Variants in CAND1 observed in about 807,000 individuals in gnomAD.
The protein encoded by CAND1 is cullin associated and neddylation dissociated 1, also known as cullin-associated NEDD8-dissociated protein 1.
CAND1 carries 7 observed loss-of-function variants against 108.5 expected under a neutral mutation model. That is an observed-to-expected ratio of 0.06 (90% CI 0.04 to 0.12). The LOEUF is 0.12. Among genes scored for constraint, CAND1 ranks in the 10% least tolerant of loss-of-function variants. CAND1 has a pLI of 1.00. For synonymous variants in CAND1, 534 were observed against 512.0 expected, an observed-to-expected ratio of 1.04 and a Z score of -0.58; for missense variants, 941 against 1,448.7, an observed-to-expected ratio of 0.65 and a Z score of 5.69.
Position 67,301,625 on chromosome 12 carries a change from A to G in CAND1, c.1001-698A>G, listed in dbSNP as rs567880439. Among the ~76,000 whole-genome samples the G allele has an allele frequency of 2.6e-5, 4 of 152,212 alleles. No individual in the cohort carries two copies. The East Asian group carries it at 5.8e-4, about 22-fold the overall frequency. On this transcript the variant is annotated intron_variant, in intron 7 of 14. Coordinates refer to ENST00000545606, the MANE Select transcript of CAND1 (RefSeq NM_018448.5). ...AATGTTTAAGGTTTAGCATTAGGGGAAAAAATGGTCCTCTGTTAAGTGTGC... is the reference window on the plus strand; with the variant it reads ...AATGTTTAAGGTTTAGCATTAGGGGGAAAAATGGTCCTCTGTTAAGTGTGC...
In CAND1 at chr12:67,310,088, G is replaced by GT; in HGVS notation, c.3195+21dup. 3 of 1,609,564 alleles carry GT rather than the reference G, an allele frequency of 1.9e-6. No homozygotes were observed. The highest frequency in any genetic ancestry group is 8.5e-7 in the Non-Finnish European group (1 of 1,177,504). On this transcript the variant is annotated intron_variant, in intron 12 of 14. Transcript: ENST00000545606. ...TAAGAGAGGTAAGTTAGATCACACTGTTTATTTGAGCTTGTCTTTGACTTA... is the reference window on the plus strand; with the variant it reads ...TAAGAGAGGTAAGTTAGATCACACTGTTTTATTTGAGCTTGTCTTTGACTTA...
At chr12:67,283,735 A>T (rs1295735327) in intron 2 of CAND1, among the ~76,000 whole-genome samples, 11 of 152,210 alleles carry the variant, frequency 7.2e-5, no homozygotes. Flanking sequence ...ACCTTTTAAA[A>T]AAATAAGTCT....
chr12:67,302,641 A>T (rs1378489828), intron 8 of CAND1, 26 bp downstream of exon 8: 3 of 1,582,186 alleles, frequency 1.9e-6, no homozygotes, highest in Admixed American at 3.5e-5. Flanking sequence ...AAGTTTAGAA[A>T]ATCATGATAG....
At position 67,298,397 on chromosome 12, in the gene CAND1, G is replaced by A. The variant is rs565335990; in HGVS notation, c.854+544G>A. Among the ~76,000 whole-genome samples the A allele has an allele frequency of 9.9e-5, 15 of 152,238 alleles. No homozygotes were observed. The East Asian group carries it at 2.9e-3, about 29-fold the overall frequency. On this transcript the variant is annotated intron_variant, in intron 6 of 14. Coordinates refer to ENST00000545606, the MANE Select transcript of CAND1 (RefSeq NM_018448.5). ...CTTGAGACCTTACTGGTTGTTTTCTGCATTTATCCCTTGACACTCCTGGTT... is the reference window on the plus strand; with the variant it reads ...CTTGAGACCTTACTGGTTGTTTTCTACATTTATCCCTTGACACTCCTGGTT...
chr12:67,271,322 C>A (rs2044518784), intron 1 of CAND1, among the ~76,000 whole-genome samples: 1 of 152,120 alleles, frequency 6.6e-6, no homozygotes, highest in Non-Finnish European at 1.5e-5. Context: ...GCTTCCAATT[C>A]AAGTAATGGA....
intron 11 of CAND1, among the ~76,000 whole-genome samples, chr12:67,308,419 T>C (rs1160174285): frequency 2.0e-5 from 3 of 152,108 alleles, no homozygotes; most frequent in Non-Finnish European, 4.4e-5. Flanking sequence ...TGCTTTGATA[T>C]GTTTATTGAG....
intron 4 of CAND1, among the ~76,000 whole-genome samples, chr12:67,296,774 A>G (rs532424437): frequency 3.6e-4 from 54 of 151,732 alleles, no homozygotes; most frequent in Non-Finnish European, 5.6e-4. Flanking sequence ...GAAAGTGACA[A>G]GATGATTGTG....
In CAND1 at chr12:67,306,237, C is replaced by T; in HGVS notation, c.2569C>T (p.Leu857=). 1 of 1,614,072 alleles carries T rather than the reference C, an allele frequency of 6.2e-7. No homozygotes were observed. Among genetic ancestry groups the T allele is most frequent in the Non-Finnish European group, 8.5e-7 (1 of 1,179,976 alleles). The change falls in exon 10 of 15, where the codon CTA becomes TTA. Residue 857 remains leucine (L), a synonymous_variant. Transcript: ENST00000545606. ...TATTGACTTAAGTGGACAGTTGGAA[C>T]TAAAATCTGTAATACTAGAAGCTTT... The part of the protein sequence containing the change: ...HHIDLSGQLE[L]KSVILEAFSS...
intron 2 of CAND1, among the ~76,000 whole-genome samples, chr12:67,291,586 A>G (rs1417243885): frequency 6.6e-6 from 1 of 152,202 alleles, no homozygotes; most frequent in Non-Finnish European, 1.5e-5. Context: ...ACATGAAATT[A>G]ATTTATGTTT....
intron 2 of CAND1, among the ~76,000 whole-genome samples, chr12:67,285,539 C>G (rs1379421880): frequency 6.6e-6 from 1 of 151,958 alleles, no homozygotes; most frequent in Non-Finnish European, 1.5e-5. Context: ...TATTATGTCT[C>G]TATAATCAAA....
chr12:67,281,985 A>G lies in CAND1; in HGVS notation c.144A>G (p.Lys48=), dbSNP rs1375033872. The G allele has an allele frequency of 5.6e-6, 9 of 1,611,416 alleles. No homozygotes were observed. The highest frequency in any genetic ancestry group is 7.6e-6 in the Non-Finnish European group (9 of 1,178,274). Residue 48 remains lysine (K), a synonymous_variant, in exon 2 of 15, where the codon AAA becomes AAG. Coordinates refer to ENST00000545606, the MANE Select transcript of CAND1 (RefSeq NM_018448.5). ...SIKLDDDSER[K]VVKMILKLLE... Reference sequence around the variant, plus strand: ...AGTTGGATGATGATAGTGAAAGGAAAGTAGTGAAAATGATTTTGAAGTTAT... The same window carrying G: ...AGTTGGATGATGATAGTGAAAGGAAGGTAGTGAAAATGATTTTGAAGTTAT...
rs767991793 is a variant in CAND1, at chr12:67,311,711, T to C, written c.3379T>C (p.Leu1127=). The change falls in exon 14 of 15, where the codon TTG becomes CTG. Residue 1127 remains leucine, a synonymous_variant. Coordinates refer to ENST00000545606, the MANE Select transcript of CAND1 (RefSeq NM_018448.5). ...YDIKMLTFLM[L]VRLSTLCPSA... ...CTAATAGATGCTGACATTTTTAATGTTGGTGAGACTGTCTACCCTTTGTCC... is the reference window on the plus strand; with the variant it reads ...CTAATAGATGCTGACATTTTTAATGCTGGTGAGACTGTCTACCCTTTGTCC... The C allele has an allele frequency of 1.5e-5, 24 of 1,606,676 alleles. No homozygotes were observed. The highest frequency in any genetic ancestry group is 2.0e-5 in the Non-Finnish European group (23 of 1,173,564).
intron 2 of CAND1, chr12:67,282,280 T>G: frequency 2.7e-6 from 1 of 366,846 alleles, no homozygotes; most frequent in East Asian, 5.4e-5. Flanking sequence ...TCTTACGAAG[T>G]GCATGTAGGG....
chr12:67,313,032 G>A lies in CAND1; in HGVS notation c.*202G>A. 1 of 477,390 alleles carries A rather than the reference G, an allele frequency of 2.1e-6. No individual in the cohort carries two copies. Among genetic ancestry groups the A allele is most frequent in the Non-Finnish European group, 3.7e-6 (1 of 268,888 alleles). 29.6% of individuals were successfully genotyped at this position (477,390 alleles called of 1,614,324 possible). On this transcript the variant is annotated 3_prime_UTR_variant, in exon 15 of 15. Transcript: ENST00000545606. Reference sequence around the variant, plus strand: ...CAGAAATGTGTATTTCCATAATCCAGAGGTTGTAAAACCACTAGTGTTTTA... The same window carrying A: ...CAGAAATGTGTATTTCCATAATCCAAAGGTTGTAAAACCACTAGTGTTTTA...
chr12:67,316,018 A>T lies in CAND1; in HGVS notation c.*3188A>T, dbSNP rs773369000. 3 of 152,222 alleles carry T rather than the reference A, an allele frequency of 2.0e-5. No individual in the cohort carries two copies. Among genetic ancestry groups the T allele is most frequent in the Non-Finnish European group, 2.9e-5 (2 of 68,030 alleles). 9.4% of individuals were successfully genotyped at this position (152,222 alleles called of 1,614,324 possible). On this transcript the variant is annotated 3_prime_UTR_variant, in exon 15 of 15. Coordinates refer to ENST00000545606, the MANE Select transcript of CAND1 (RefSeq NM_018448.5). ...ACCTAAATTGTTAAAATTAATTGCC[A>T]ATCTCTGGATATATTATGCTTAGTA...
chr12:67,293,259 T>C (rs994643132), intron 3 of CAND1: 7 of 153,398 alleles, frequency 4.6e-5, no homozygotes, highest in African/African-American at 1.4e-4. Context: ...TACTTGGTAA[T>C]TAAACAAATT....
rs35882375 is a variant in CAND1, at chr12:67,302,811, TAAAC to T, written c.1293+199_1293+202del. ...TTGAATTATTCTTGGCTTTACATGA[TAAAC>T]AATATTTAAATAATTTTAAGATTCA... On this transcript the variant is annotated intron_variant, in intron 8 of 14. Coordinates refer to ENST00000545606, the MANE Select transcript of CAND1 (RefSeq NM_018448.5). Among the ~76,000 whole-genome samples, 1,026 of 152,342 alleles carry T rather than the reference TAAAC, an allele frequency of 6.7e-3. 7 individuals carry two copies. The highest frequency in any genetic ancestry group is 0.023 in the African/African-American group (977 of 41,582).
chr12:67,271,760 A>G (rs2044522826), intron 1 of CAND1, among the ~76,000 whole-genome samples: 1 of 152,238 alleles, frequency 6.6e-6, no homozygotes, highest in Non-Finnish European at 1.5e-5. Flanking sequence ...GGTGAATGCT[A>G]AACAAGGTAT....
intron 1 of CAND1, among the ~76,000 whole-genome samples, chr12:67,275,137 C>T (rs557155267): frequency 1.3e-5 from 2 of 151,996 alleles, no homozygotes; most frequent in Non-Finnish European, 2.9e-5. Flanking sequence ...GTGATTAGGG[C>T]TCACCACTGA....
Sources: gnomAD v4.1 joint callset for allele counts (sites outside exome capture counted in the v4.1 genomes callset) on GRCh38, gnomAD v4.1.1 for gene constraint, MANE v1.5 for transcripts, NCBI Gene and HGNC (gene_info 2026-07-23, HGNC 2026-07-21) for gene names.